HPS3: variants seen among roughly 807,000 people sequenced by gnomAD.
HPS3 encodes the protein HPS3 biogenesis of lysosomal organelles complex 2 subunit 1, also known as BLOC-2 complex member HPS3.
A neutral mutation model predicts 110.9 loss-of-function variants in HPS3; 79 were observed. That is an observed-to-expected ratio of 0.71 (90% CI 0.59 to 0.86). The LOEUF is 0.86. HPS3 is among the 40% of genes least tolerant of loss of function. The pLI, the probability that HPS3 is intolerant of heterozygous loss-of-function variation, is 0.00. For synonymous variants in HPS3, 428 were observed against 451.0 expected, an observed-to-expected ratio of 0.95 and a Z score of 0.65; for missense variants, 1,197 against 1,206.2, an observed-to-expected ratio of 0.99 and a Z score of 0.11.
intron 11 of HPS3, 33 bp downstream of exon 11, chr3:149,160,312 T>C: frequency 1.5e-6 from 2 of 1,377,724 alleles, no homozygotes; most frequent in Non-Finnish European, 1.0e-6. Context: ...AACAGAAGGC[T>C]GAAATAGGAC....
At chr3:149,152,237 C>G (rs1723171861) in intron 6 of HPS3, among the ~76,000 whole-genome samples, 1 of 152,128 alleles carries the variant, frequency 6.6e-6, no homozygotes, top group South Asian at 2.1e-4. Context: ...CATTCTTTGT[C>G]CTCTTCTTTC....
chr3:149,160,841 A>G (rs1389498125), intron 11 of HPS3, among the ~76,000 whole-genome samples: 3 of 152,250 alleles, frequency 2.0e-5, no homozygotes, highest in Non-Finnish European at 4.4e-5. Context: ...TTGAACACTT[A>G]TTATTTACCA....
At chr3:149,131,134 A>AC (rs201737243) in intron 1 of HPS3, among the ~76,000 whole-genome samples, 21 of 123,604 alleles carry the variant, frequency 1.7e-4, no homozygotes, top group Admixed American at 3.5e-4. Context: ...AAAAAAAAAA[A>AC]AAAAAACAAA....
At chr3:149,143,178 C>T (rs1252811977) in intron 4 of HPS3, among the ~76,000 whole-genome samples, 1 of 152,180 alleles carries the variant, frequency 6.6e-6, no homozygotes, top group Non-Finnish European at 1.5e-5. Context: ...CATTCCATGG[C>T]GTATATGACC....
chr3:149,134,720 A>C (rs1049583416), intron 1 of HPS3, among the ~76,000 whole-genome samples: 1 of 152,208 alleles, frequency 6.6e-6, no homozygotes, highest in African/African-American at 2.4e-5. Flanking sequence ...CATGAGTAGC[A>C]TTGTAACCTC....
intron 1 of HPS3, among the ~76,000 whole-genome samples, chr3:149,138,373 A>G (rs555823070): frequency 6.6e-6 from 1 of 152,340 alleles, no homozygotes; most frequent in East Asian, 1.9e-4. Context: ...AATAGTGTTA[A>G]TATAATAGAG....
rs113951847 is a variant in HPS3, at chr3:149,172,320, A to T, written c.*98A>T. The T allele has an allele frequency of 0.011, 2,867 of 250,776 alleles. 37 individuals carry two copies. Among genetic ancestry groups the T allele is most frequent in the South Asian group, 0.037 (680 of 18,328 alleles). 15.5% of individuals were successfully genotyped at this position (250,776 alleles called of 1,614,324 possible). On this transcript the variant is annotated 3_prime_UTR_variant, in exon 17 of 17. Transcript: ENST00000296051. ...AGAGGAGTTTTTTATTTTATATATC[A>T]CACACACACACACACACACACACAC...
chr3:149,152,897 C>T (rs1723218923), intron 6 of HPS3, among the ~76,000 whole-genome samples: 3 of 152,184 alleles, frequency 2.0e-5, no homozygotes, highest in Admixed American at 2.0e-4. Flanking sequence ...AAGGCTGGCT[C>T]CTCTAGTTTA....
At chr3:149,161,772 A>C (rs1235355013) in intron 11 of HPS3, among the ~76,000 whole-genome samples, 1 of 152,110 alleles carries the variant, frequency 6.6e-6, no homozygotes, top group African/African-American at 2.4e-5. Flanking sequence ...GGCCTTCCAA[A>C]GTGCTGGGAT....
intron 1 of HPS3, among the ~76,000 whole-genome samples, chr3:149,139,001 A>G (rs531344608): frequency 1.1e-4 from 17 of 152,328 alleles, no homozygotes; most frequent in South Asian, 6.2e-4. Flanking sequence ...TTGGCCCAAC[A>G]TATCTCACTT....
intron 16 of HPS3, chr3:149,170,513 C>T (rs1724872522): frequency 6.6e-6 from 1 of 152,172 alleles, no homozygotes; most frequent in South Asian, 2.1e-4. Context: ...GACAGTACCA[C>T]TACATTATAA....
chr3:149,162,775 T>C lies in HPS3; in HGVS notation c.2378T>C (p.Val793Ala), dbSNP rs144099522. The change falls in exon 13 of 17, where the codon GTG becomes GCG. Residue 793 changes from valine to alanine, a missense_variant. Coordinates refer to ENST00000296051, the MANE Select transcript of HPS3 (RefSeq NM_032383.5). Reference sequence around the variant, plus strand: ...CAGCTAGTGGCATGTCTCCCAGATGTGGTACTTCAGGAACTCTTTTTCAAA... The same window carrying C: ...CAGCTAGTGGCATGTCTCCCAGATGCGGTACTTCAGGAACTCTTTTTCAAA... Reference protein sequence around the residue: ...EAQLVACLPDVVLQELFFKLT... With the variant: ...EAQLVACLPDAVLQELFFKLT... 721 of 1,613,938 alleles carry C rather than the reference T, an allele frequency of 4.5e-4. 1 individual carries two copies. Among genetic ancestry groups the C allele is most frequent in the Non-Finnish European group, 4.8e-4 (565 of 1,179,938 alleles).
chr3:149,164,672 C>T (rs1268570052), intron 14 of HPS3, among the ~76,000 whole-genome samples: 1 of 152,158 alleles, frequency 6.6e-6, no homozygotes, highest in Non-Finnish European at 1.5e-5. Flanking sequence ...AGTTTCAAGT[C>T]ACTCTTGAAA....
At chr3:149,163,723 A>C in intron 13 of HPS3, 119 bp from the exon 14 acceptor site, 1 of 623,850 alleles carries the variant, frequency 1.6e-6, no homozygotes, top group East Asian at 2.8e-5. Context: ...ATTCCCAGGA[A>C]AGTATATACC....
rs1018182911 is a variant in HPS3, at chr3:149,172,486, A to G, written c.*264A>G. 8.8e-5 allele frequency: 29 copies of G among 327,688 alleles called. No individual in the cohort carries two copies. The highest frequency in any genetic ancestry group is 1.2e-4 in the Non-Finnish European group (20 of 172,124). 20.3% of individuals were successfully genotyped at this position (327,688 alleles called of 1,614,324 possible). A position where few individuals can be genotyped will look rare whatever the true frequency, so the allele number is the denominator to read the frequency against. On this transcript the variant is annotated 3_prime_UTR_variant, in exon 17 of 17. Transcript: ENST00000296051. ...GTCTTTAAGACATAAGAATTCCTCA[A>G]AGAAGCCATACATTTTTTAAGGTGG...
At chr3:149,144,643 G>T (rs11918767) in intron 4 of HPS3, among the ~76,000 whole-genome samples, 6,819 of 152,176 alleles carry the variant, frequency 0.045, 220 homozygotes, top group African/African-American at 0.084. Context: ...ATTTTGCTAA[G>T]TGAATCCTTA....
intron 9 of HPS3, among the ~76,000 whole-genome samples, chr3:149,158,172 A>T (rs904937542): frequency 6.6e-6 from 1 of 152,202 alleles, no homozygotes; most frequent in African/African-American, 2.4e-5. Flanking sequence ...TTTGAGAGTA[A>T]TGTTTACAAA....
At chr3:149,152,047 T>C (rs1302070736) in intron 6 of HPS3, among the ~76,000 whole-genome samples, 2 of 152,206 alleles carry the variant, frequency 1.3e-5, no homozygotes, top group African/African-American at 4.8e-5. Flanking sequence ...CTGCCTGTGG[T>C]TTTCTGTTGC....
At chr3:149,130,222 C>T (rs1721675527) in intron 1 of HPS3, 1 of 540,946 alleles carries the variant, frequency 1.8e-6, no homozygotes, top group African/African-American at 1.9e-5. Context: ...GGATTCCACT[C>T]ATCTCGGATA....
Sources: allele counts gnomAD v4.1 joint callset (sites outside exome capture counted in the v4.1 genomes callset), GRCh38; gene constraint gnomAD v4.1.1; transcripts MANE v1.5; gene names NCBI Gene and HGNC (gene_info 2026-07-23, HGNC 2026-07-21).